The following CELF2 variants were observed in gnomAD, a reference collection of about 807,000 sequenced individuals.
CELF2 encodes CUG triplet repeat RNA-binding protein 2.
CELF2 carries 8 observed loss-of-function variants against 62.6 expected under a neutral mutation model. That is an observed-to-expected ratio of 0.13 (90% CI 0.07 to 0.23). The LOEUF is 0.23. Among genes scored for constraint, CELF2 ranks in the 10% least tolerant of loss-of-function variants. The pLI is 1.00. For missense variants in CELF2, 333 were observed against 671.0 expected (o/e 0.50, Z 5.56); for synonymous variants, 258 against 250.0 (o/e 1.03, Z -0.30).
intron 2 of CELF2, among the ~76,000 whole-genome samples, chr10:10,980,871 T>C (rs1176459909): frequency 1.3e-5 from 2 of 152,204 alleles, no homozygotes; most frequent in African/African-American, 4.8e-5. Flanking sequence ...TCCTCCCACC[T>C]TGGCCTCCCA....
the CELF2 span, among the ~76,000 whole-genome samples, chr10:10,592,642 A>G: frequency 6.6e-6 from 1 of 152,184 alleles, no homozygotes; most frequent in Non-Finnish European, 1.5e-5. Flanking sequence ...GTCAAAACCA[A>G]CTAATATCTA....
chr10:10,814,891 G>A (rs545696629), intron 1 of CELF2, among the ~76,000 whole-genome samples: 5 of 152,302 alleles, frequency 3.3e-5, no homozygotes, highest in Admixed American at 6.5e-5. Flanking sequence ...CATAGGTTCC[G>A]TCTAGAGCAC....
the CELF2 span, among the ~76,000 whole-genome samples, chr10:10,740,907 C>T: frequency 5.7e-3 from 863 of 152,106 alleles, 8 homozygotes; most frequent in African/African-American, 0.02. Flanking sequence ...AGGAGTATAG[C>T]ACTGATGACC....
chr10:10,526,766 G>A, the CELF2 span, among the ~76,000 whole-genome samples: 10 of 152,344 alleles, frequency 6.6e-5, no homozygotes, highest in South Asian at 6.2e-4. Flanking sequence ...TCATAGAGAA[G>A]ACAGCATTGA....
At chr10:10,606,051 G>A in the CELF2 span, among the ~76,000 whole-genome samples, 39 of 152,210 alleles carry the variant, frequency 2.6e-4, no homozygotes, top group African/African-American at 8.9e-4. Flanking sequence ...GTTTTGTTTT[G>A]TTCTGTGTTC....
rs1421790365 is a variant in CELF2 at position 11,274,855 on chromosome 10, A to C, written c.778-202A>C. 3.2e-4 allele frequency among the ~76,000 whole-genome samples: 3 copies of C among 9,282 alleles called. No homozygotes were observed. The Non-Finnish European group carries it at 0.011, about 34-fold the overall frequency. 6.1% of individuals were successfully genotyped at this position (9,282 alleles called of 152,430 possible). ...TTGTTTTAAGGCAGCAGTGTTAGTG[A>C]GTTTCCCCAGTGTTTATGTTTCTTA... On this transcript the variant is annotated intron_variant, in intron 7 of 12. Transcript: ENST00000633077.
the CELF2 span, among the ~76,000 whole-genome samples, chr10:10,661,015 GA>G: frequency 1.3e-5 from 2 of 152,136 alleles, no homozygotes; most frequent in Admixed American, 6.5e-5. Context: ...CTCAGAAAAA[GA>G]TTTTTTTTTA....
rs748262353 is a variant in CELF2 at position 11,321,381 on chromosome 10, A to G, written c.1289A>G (p.Lys430Arg). ...CAGCAGAGCGCTGCAGGCAGCCAGA[A>G]GGAAGGTAGGTGCCGCCCTTGGCCC... ...LQQQSAAGSQ[K>R]EGPEGANLFI... is the part of the protein sequence containing the mutation. The change falls in exon 11 of 13, where the codon AAG becomes AGG. Residue 430 changes from lysine to arginine, a missense_variant. Lys to Arg is a conservative substitution (Grantham distance 26, BLOSUM62 2). Around this residue, in one of 3 missense-constraint regions of CELF2, gnomAD observed 35 missense variants for 128.1 expected, o/e 0.27. Coordinates refer to ENST00000633077, the MANE Select transcript of CELF2 (RefSeq NM_001326342.2). This position sits in a 1 kb window ranked among gnomAD's most constrained non-coding sequence, Gnocchi z 6.2. The G allele has an allele frequency of 6.2e-7, 1 of 1,604,484 alleles. No individual in the cohort carries two copies. Among genetic ancestry groups the G allele is most frequent in the Non-Finnish European group, 8.5e-7 (1 of 1,179,728 alleles).
the CELF2 span, among the ~76,000 whole-genome samples, chr10:10,633,276 G>T: frequency 2.0e-5 from 3 of 152,110 alleles, no homozygotes; most frequent in Non-Finnish European, 2.9e-5. Flanking sequence ...TCCCCACAAA[G>T]ATTTCATCAG....
chr10:11,018,136 A>C lies in CELF2; in HGVS notation c.47A>C (p.Glu16Ala). ...KLDFLPDMMVEGRLLVPDRIN... is the reference protein window; with the variant it reads ...KLDFLPDMMVAGRLLVPDRIN... Reference sequence around the variant, plus strand: ...GATTTCCTCCCGGACATGATGGTCGAGGGCCGCCTGCTCGTTCCTGACAGA... The same window carrying C: ...GATTTCCTCCCGGACATGATGGTCGCGGGCCGCCTGCTCGTTCCTGACAGA... Residue 16 changes from glutamate to alanine, a missense_variant, in exon 1 of 13, where the codon GAG (glutamate) becomes GCG (alanine). This residue lies in a region of CELF2 where 45 missense variants were observed against 39.8 expected (regional missense o/e 1.13). Coordinates refer to ENST00000633077, the MANE Select transcript of CELF2 (RefSeq NM_001326342.2). 1 of 1,523,026 alleles carries C rather than the reference A, an allele frequency of 6.6e-7. No individual in the cohort carries two copies. The highest frequency in any genetic ancestry group is 8.8e-7 in the Non-Finnish European group (1 of 1,133,154). 94.3% of individuals were successfully genotyped at this position (1,523,026 alleles called of 1,614,324 possible).
In CELF2 at chr10:11,319,781, A is replaced by T. The variant is rs2095321042; in HGVS notation, c.1097-1408A>T. The T allele has an allele frequency of 4.2e-6, 2 of 470,686 alleles. No homozygotes were observed. Among genetic ancestry groups the T allele is most frequent in the Non-Finnish European group, 8.8e-6 (2 of 226,978 alleles). The allele number at this position is 470,686 out of a possible 1,614,324, so 29.2% of individuals were successfully genotyped here. A position where few individuals can be genotyped will look rare whatever the true frequency, so the allele number is the denominator to read the frequency against. Reference sequence around the variant, plus strand: ...TCCTCCACTGTTAAGCTATAGCCTAATTCATATCTTACATGTGTCCTTTTA... The same window carrying T: ...TCCTCCACTGTTAAGCTATAGCCTATTTCATATCTTACATGTGTCCTTTTA... On this transcript the variant is annotated intron_variant, in intron 10 of 12. Coordinates refer to ENST00000633077, the MANE Select transcript of CELF2 (RefSeq NM_001326342.2). This position sits in a 1 kb window ranked among gnomAD's most constrained non-coding sequence, Gnocchi z 4.4.
chr10:11,132,844 A>T (rs1276473274), intron 1 of CELF2, among the ~76,000 whole-genome samples: 2 of 152,314 alleles, frequency 1.3e-5, no homozygotes, highest in East Asian at 1.9e-4. Flanking sequence ...TTAGTCATTC[A>T]TGCAGTGAAA....
chr10:11,216,193 G>C (rs556299710), intron 2 of CELF2, among the ~76,000 whole-genome samples: 1 of 152,304 alleles, frequency 6.6e-6, no homozygotes, highest in South Asian at 2.1e-4. Context: ...TATATTGACT[G>C]TCAGTAGACT....
At chr10:10,923,664 A>C (rs1358748273) in intron 2 of CELF2, among the ~76,000 whole-genome samples, 1 of 152,242 alleles carries the variant, frequency 6.6e-6, no homozygotes, top group Non-Finnish European at 1.5e-5. Context: ...CCAGAAAAAA[A>C]TTAGATTATA....
intron 2 of CELF2, among the ~76,000 whole-genome samples, chr10:10,950,608 C>T (rs1438883660): frequency 1.3e-5 from 2 of 152,186 alleles, no homozygotes; most frequent in Non-Finnish European, 2.9e-5. Flanking sequence ...ATGAGGGTGA[C>T]ATGAAGAGGG....
chr10:10,822,838 C>A (rs916558525), intron 1 of CELF2, among the ~76,000 whole-genome samples: 5 of 152,180 alleles, frequency 3.3e-5, no homozygotes, highest in Admixed American at 2.0e-4. Flanking sequence ...TTTTATATTT[C>A]TTGTCTTGCT....
chr10:10,591,955 G>A, the CELF2 span, among the ~76,000 whole-genome samples: 1 of 151,856 alleles, frequency 6.6e-6, no homozygotes, highest in Non-Finnish European at 1.5e-5. Flanking sequence ...AATTGGATAT[G>A]TATTTGTTTC....
intron 2 of CELF2, among the ~76,000 whole-genome samples, chr10:11,175,594 G>C (rs1430664125): frequency 6.6e-6 from 1 of 152,160 alleles, no homozygotes; most frequent in Non-Finnish European, 1.5e-5. Context: ...TTAAGGAGAT[G>C]GTGGGGCAGC....
chr10:11,302,017 G>A lies in CELF2; in HGVS notation c.977-12122G>A, dbSNP rs532635421. On this transcript the variant is annotated intron_variant, in intron 9 of 12. Transcript: ENST00000633077. The surrounding 1 kb of genome is among the most constrained non-coding windows in gnomAD (Gnocchi z 5.0). ...CTCAGCAGATGCCAGCTCAGTGCCC[G>A]CTGCACCAGTGATTCTCATAGTTTC... Among the ~76,000 whole-genome samples, 10 of 152,300 alleles carry A rather than the reference G, an allele frequency of 6.6e-5. No individual in the cohort carries two copies. The highest frequency in any genetic ancestry group is 5.9e-4 in the Admixed American group (9 of 15,304).
Sources: gnomAD v4.1 joint callset for allele counts (sites outside exome capture counted in the v4.1 genomes callset) on GRCh38, gnomAD v4.1.1 for gene constraint, gnomAD v4.1.1 regional missense constraint, Gnocchi (gnomAD v3.1) non-coding constraint, MANE v1.5 for transcripts, NCBI Gene and HGNC (gene_info 2026-07-23, HGNC 2026-07-21) for gene names.